The following SENP1 variants were observed in gnomAD, a reference collection of about 807,000 sequenced individuals.
The protein encoded by SENP1 is SUMO specific peptidase 1.
A neutral mutation model predicts 93.0 loss-of-function variants in SENP1; 21 were observed. The observed-to-expected ratio is 0.23, with a 90% CI of 0.16 to 0.33. SENP1 has a LOEUF of 0.33. Ranked by LOEUF, SENP1 falls within the 10% of genes least tolerant of loss-of-function variation. The pLI is 1.00. For missense variants in SENP1, 591 were observed against 758.7 expected (o/e 0.78, Z 2.60); for synonymous variants, 256 against 259.6 (o/e 0.99, Z 0.13).
chr12:48,085,063 T>C (rs768687030), intron 5 of SENP1: 209 of 1,284,968 alleles, frequency 1.6e-4, no homozygotes, highest in Non-Finnish European at 2.1e-4. Context: ...GCTGCAGGGA[T>C]GGCGGGGAGA....
intron 3 of SENP1, among the ~76,000 whole-genome samples, chr12:48,096,787 T>A (rs1037574921): frequency 7.9e-5 from 12 of 151,984 alleles, no homozygotes; most frequent in Non-Finnish European, 1.8e-4. Context: ...AATAAAAACA[T>A]ATACTAGGAA....
chr12:48,093,106 T>G (rs1042107988), intron 4 of SENP1, among the ~76,000 whole-genome samples: 9 of 152,152 alleles, frequency 5.9e-5, no homozygotes, highest in African/African-American at 2.2e-4. Flanking sequence ...AAAGATAACC[T>G]GACATATTAG....
rs373767014 is a variant in SENP1 at position 48,079,677 on chromosome 12, A to G, written c.552+3914T>C. Among the ~76,000 whole-genome samples, 430 of 152,324 alleles carry G rather than the reference A, an allele frequency of 2.8e-3. 1 individual carries two copies. Among genetic ancestry groups the G allele is most frequent in the African/African-American group, 8.8e-3 (365 of 41,564 alleles). ...GAATTATATTTTTTAAAAGGGACAG[A>G]GTCCTGTAGTTAGGTGATGTTTCTA... On this transcript the variant is annotated intron_variant, in intron 6 of 17. Transcript: ENST00000549518.
chr12:48,084,795 A>G (rs985856614), intron 5 of SENP1, among the ~76,000 whole-genome samples: 10 of 152,106 alleles, frequency 6.6e-5, no homozygotes, highest in Admixed American at 2.6e-4. Context: ...CATTACCTGG[A>G]AAGTTTGAGG....
Position 48,065,093 on chromosome 12 carries a change from C to G in SENP1, c.1247G>C (p.Ser416Thr). ...TQKKGHKLTD[S>T]EDEFPEITEE... is the part of the protein sequence containing the mutation. Reference sequence around the variant, plus strand: ...TGTAATTTCAGGAAATTCATCTTCACTATCAGTTAATTTATGACCTTTTTT... The same window carrying G: ...TGTAATTTCAGGAAATTCATCTTCAGTATCAGTTAATTTATGACCTTTTTT... Residue 416 changes from serine to threonine, a missense_variant, in exon 12 of 18, where the codon AGT (serine) becomes ACT (threonine). By Grantham distance (58) the Ser-to-Thr change is moderately conservative (BLOSUM62 1). This residue lies in a region of SENP1 where 238 missense variants were observed against 259.1 expected (regional missense o/e 0.92). Transcript: ENST00000549518. 1 of 1,603,854 alleles carries G rather than the reference C, an allele frequency of 6.2e-7. No homozygotes were observed. Among genetic ancestry groups the G allele is most frequent in the Non-Finnish European group, 8.5e-7 (1 of 1,170,862 alleles).
At chr12:48,055,131 G>T in intron 13 of SENP1, 1 of 261,534 alleles carries the variant, frequency 3.8e-6, no homozygotes, top group Non-Finnish European at 7.3e-6. Context: ...ACTTTCTCTT[G>T]CGCTTGGCAG....
At position 48,097,844 on chromosome 12, in the gene SENP1, T is replaced by C. The variant is rs115542141; in HGVS notation, c.135+150A>G. On this transcript the variant is annotated intron_variant, in intron 3 of 17. Coordinates refer to ENST00000549518, the MANE Select transcript of SENP1 (RefSeq NM_001267594.2). ...ACGTCCTTGTCTTAATTTTAATATATAGAGCAGAATTCCAAACACTAAAAT... is the reference window on the plus strand; with the variant it reads ...ACGTCCTTGTCTTAATTTTAATATACAGAGCAGAATTCCAAACACTAAAAT... The C allele has an allele frequency of 4.1e-3, 2,748 of 668,906 alleles. 61 individuals carry two copies. In the African/African-American group the frequency reaches 0.044, roughly 11 times the overall value. The allele number at this position is 668,906 out of a possible 1,614,324, so 41.4% of individuals were successfully genotyped here.
At chr12:48,097,950 A>C (rs1208928001) in intron 3 of SENP1, 44 bp downstream of exon 3, 1 of 1,573,084 alleles carries the variant, frequency 6.4e-7, no homozygotes, top group South Asian at 1.2e-5. Context: ...ACTTATGATG[A>C]GCCCAAATAA....
intron 6 of SENP1, among the ~76,000 whole-genome samples, chr12:48,079,519 G>C (rs1019244347): frequency 2.2e-4 from 34 of 151,964 alleles, no homozygotes; most frequent in African/African-American, 8.2e-4. Context: ...AGAAAATTAG[G>C]ATCTTAAGAG....
Position 48,074,801 on chromosome 12 carries a change from AAAAC to A in SENP1, c.553-12_553-9del. 2 of 1,554,132 alleles carry A rather than the reference AAAAC, an allele frequency of 1.3e-6. No homozygotes were observed. Among genetic ancestry groups the A allele is most frequent in the Non-Finnish European group, 1.8e-6 (2 of 1,141,740 alleles). Reference sequence around the variant, plus strand: ...TTCTTCTTCTTGAACTGTCTATAAGAAAACAAAAAAAAAAAACAGTTTAAACACA... The same window carrying A: ...TTCTTCTTCTTGAACTGTCTATAAGAAAAAAAAAAAAACAGTTTAAACACA... On this transcript the variant is annotated splice_polypyrimidine_tract_variant and intron_variant, in intron 6 of 17. Transcript: ENST00000549518.
intron 13 of SENP1, among the ~76,000 whole-genome samples, chr12:48,063,202 A>G (rs1425667775): frequency 1.3e-5 from 2 of 152,204 alleles, no homozygotes; most frequent in Non-Finnish European, 1.5e-5. Context: ...TAATAATAAT[A>G]TAACTTTTTC....
intron 11 of SENP1, 85 bp from the exon 12 acceptor site, chr12:48,065,305 C>T: frequency 8.9e-7 from 1 of 1,121,634 alleles, no homozygotes; most frequent in Non-Finnish European, 1.2e-6. Context: ...CCCAATAAAC[C>T]TGTCATAAGT....
intron 1 of SENP1, among the ~76,000 whole-genome samples, chr12:48,102,431 CAAAAAAAAAAAA>C (rs57161608): frequency 2.1e-5 from 1 of 47,458 alleles, no homozygotes; most frequent in Non-Finnish European, 3.8e-5. Context: ...GACTCTGTCT[CAAAAAAAAAAAA>C]AAAAAAAAAA....
chr12:48,052,844 C>A (rs1941916359), intron 13 of SENP1, among the ~76,000 whole-genome samples: 1 of 152,142 alleles, frequency 6.6e-6, no homozygotes, highest in South Asian at 2.1e-4. Context: ...AGAGATAAAC[C>A]ATAATAATGT....
intron 17 of SENP1, among the ~76,000 whole-genome samples, chr12:48,045,909 C>A (rs1254785439): frequency 6.6e-6 from 1 of 152,152 alleles, no homozygotes; most frequent in Non-Finnish European, 1.5e-5. Context: ...CAGAAATGAC[C>A]AATCACTCTC....
At chr12:48,046,937 C>A in intron 16 of SENP1, 41 bp downstream of exon 16, 2 of 1,342,128 alleles carry the variant, frequency 1.5e-6, no homozygotes, top group South Asian at 1.2e-5. Flanking sequence ...TCCCCAAATA[C>A]CCTACTTTTA....
At chr12:48,085,139 G>A (rs1944763703) in intron 5 of SENP1, 2 of 1,417,004 alleles carry the variant, frequency 1.4e-6, no homozygotes, top group African/African-American at 2.8e-5. Flanking sequence ...GCAGCATAGG[G>A]GAGCTTAACA....
intron 16 of SENP1, among the ~76,000 whole-genome samples, 197 bp from the exon 17 acceptor site, chr12:48,046,648 A>G (rs1941388666): frequency 1.3e-5 from 2 of 152,168 alleles, no homozygotes; most frequent in African/African-American, 2.4e-5. Context: ...CTCTGTATTA[A>G]TCAAACAGGA....
chr12:48,083,391 A>C (rs1421550111), intron 6 of SENP1, among the ~76,000 whole-genome samples, 200 bp downstream of exon 6: 4 of 152,220 alleles, frequency 2.6e-5, no homozygotes, highest in Non-Finnish European at 4.4e-5. Context: ...TAGTAAGACA[A>C]ATAATGAAGT....
Sources: allele counts gnomAD v4.1 joint callset (sites outside exome capture counted in the v4.1 genomes callset), GRCh38; gene constraint gnomAD v4.1.1; regional missense constraint gnomAD v4.1.1; transcripts MANE v1.5; gene names NCBI Gene and HGNC (gene_info 2026-07-23, HGNC 2026-07-21).